Variants in ARK2C observed in about 807,000 individuals in gnomAD.
ARK2C encodes E3 ubiquitin-protein ligase ARK2C.
the ARK2C span, among the ~76,000 whole-genome samples, chr18:46,427,389 C>A: frequency 6.6e-5 from 10 of 152,090 alleles, no homozygotes; most frequent in East Asian, 5.8e-4. Flanking sequence ...AATGAGGCTC[C>A]AGAGAAACCT....
the ARK2C span, among the ~76,000 whole-genome samples, chr18:46,423,384 C>G: frequency 1.3e-5 from 2 of 152,206 alleles, no homozygotes; most frequent in Non-Finnish European, 2.9e-5. Flanking sequence ...GCCTATTCCC[C>G]ATGGAGGCCA....
At chr18:46,458,503 A>G in the ARK2C span, 2 of 152,612 alleles carry the variant, frequency 1.3e-5, no homozygotes. Flanking sequence ...TACTTGTCAC[A>G]TATTTGAAGA....
At chr18:46,393,417 G>A in the ARK2C span, among the ~76,000 whole-genome samples, 2 of 152,174 alleles carry the variant, frequency 1.3e-5, no homozygotes, top group Non-Finnish European at 2.9e-5. Context: ...CAGGCCTGAG[G>A]GCAGACGCCA....
chr18:46,417,372 C>T, the ARK2C span, among the ~76,000 whole-genome samples: 1 of 152,240 alleles, frequency 6.6e-6, no homozygotes, highest in Non-Finnish European at 1.5e-5. Context: ...GTCTCCCCAG[C>T]CCCCAAGATC....
At chr18:46,347,958 T>C in the ARK2C span, among the ~76,000 whole-genome samples, 2 of 152,126 alleles carry the variant, frequency 1.3e-5, no homozygotes, top group East Asian at 3.9e-4. Context: ...ATAATAATAA[T>C]AACCATAAGG....
the ARK2C span, among the ~76,000 whole-genome samples, chr18:46,380,307 G>C: frequency 2.0e-5 from 3 of 152,234 alleles, no homozygotes; most frequent in African/African-American, 7.2e-5. Flanking sequence ...TGGTGCCCAC[G>C]GGGGCTGTTG....
At chr18:46,413,430 GTGAGCGCTCCC>G in the ARK2C span, among the ~76,000 whole-genome samples, 3 of 152,124 alleles carry the variant, frequency 2.0e-5, no homozygotes, top group Non-Finnish European at 4.4e-5. Context: ...AGTGGGATAG[GTGAGCGCTCCC>G]TGGGTTTGGA....
chr18:46,346,886 T>G, the ARK2C span, among the ~76,000 whole-genome samples: 1 of 152,216 alleles, frequency 6.6e-6, no homozygotes, highest in Non-Finnish European at 1.5e-5. Context: ...AGCTTAATTG[T>G]GTAAGCAGTT....
At chr18:46,447,935 G>T in the ARK2C span, among the ~76,000 whole-genome samples, 4 of 135,684 alleles carry the variant, frequency 2.9e-5, no homozygotes, top group African/African-American at 1.1e-4. Flanking sequence ...TCTCTTCCCA[G>T]CTTCTATTCT....
the ARK2C span, among the ~76,000 whole-genome samples, chr18:46,403,475 T>G: frequency 2.0e-5 from 3 of 152,356 alleles, no homozygotes; most frequent in African/African-American, 7.2e-5. Flanking sequence ...AGACTACATT[T>G]ATTATTTCTA....
the ARK2C span, among the ~76,000 whole-genome samples, chr18:46,411,253 G>A: frequency 2.0e-5 from 3 of 152,202 alleles, no homozygotes; most frequent in African/African-American, 7.2e-5. Flanking sequence ...TGGTTTAATA[G>A]GGTCACTGGC....
the ARK2C span, among the ~76,000 whole-genome samples, chr18:46,400,270 GA>G: frequency 6.6e-6 from 1 of 152,198 alleles, no homozygotes; most frequent in East Asian, 1.9e-4. Flanking sequence ...AGGCCTGGGG[GA>G]CTCTCTTTAC....
At chr18:46,372,075 AG>A in the ARK2C span, among the ~76,000 whole-genome samples, 1 of 152,208 alleles carries the variant, frequency 6.6e-6, no homozygotes, top group African/African-American at 2.4e-5. Context: ...GGTAGAAGAA[AG>A]GGACTGGCAT....
the ARK2C span, among the ~76,000 whole-genome samples, chr18:46,378,443 G>A: frequency 1.3e-5 from 2 of 152,324 alleles, no homozygotes; most frequent in Non-Finnish European, 2.9e-5. Context: ...GACCACCGTG[G>A]AGGGGCAGCG....
At chr18:46,457,778 C>G in the ARK2C span, 3 of 152,690 alleles carry the variant, frequency 2.0e-5, no homozygotes, top group Non-Finnish European at 4.4e-5. Context: ...GCTGCTTGGT[C>G]TTGGCCACAG....
At chr18:46,357,282 G>C in the ARK2C span, among the ~76,000 whole-genome samples, 1 of 152,306 alleles carries the variant, frequency 6.6e-6, no homozygotes, top group South Asian at 2.1e-4. Flanking sequence ...CATTTATTAA[G>C]TAACAAGCAC....
chr18:46,400,054 G>A, the ARK2C span, among the ~76,000 whole-genome samples: 1 of 152,196 alleles, frequency 6.6e-6, no homozygotes, highest in Non-Finnish European at 1.5e-5. Flanking sequence ...TGGGCACTCT[G>A]GTCCCTGGAG....
At chr18:46,409,580 C>A in the ARK2C span, among the ~76,000 whole-genome samples, 1 of 152,290 alleles carries the variant, frequency 6.6e-6, no homozygotes, top group East Asian at 1.9e-4. Context: ...CACATCTAAC[C>A]AGAGTGGAAG....
chr18:46,398,338 A>G, the ARK2C span, among the ~76,000 whole-genome samples: 1 of 151,554 alleles, frequency 6.6e-6, no homozygotes, highest in South Asian at 2.1e-4. Context: ...GCAGGTAGGG[A>G]GGGGGAGCGA....
Sources: gnomAD v4.1 joint callset for allele counts (sites outside exome capture counted in the v4.1 genomes callset) on GRCh38, gnomAD v4.1.1 for gene constraint, MANE v1.5 for transcripts, NCBI Gene and HGNC (gene_info 2026-07-23, HGNC 2026-07-21) for gene names.